The following CPA5 variants were observed in gnomAD, a reference collection of about 807,000 sequenced individuals.
The protein encoded by CPA5 is carboxypeptidase A5.
A neutral mutation model predicts 52.2 loss-of-function variants in CPA5; 38 were observed. The observed-to-expected ratio is 0.73, with a 90% CI of 0.56 to 0.95. The LOEUF (loss-of-function observed/expected upper bound fraction) is 0.95. CPA5 is among the 40% of genes least tolerant of loss of function. The probability of loss-of-function intolerance (pLI) is 0.00; values close to 1 mark genes in which losing one functional copy is unlikely to be tolerated. For synonymous variants in CPA5, 198 were observed against 213.7 expected, an observed-to-expected ratio of 0.93 and a Z score of 0.64; for missense variants, 519 against 566.7, an observed-to-expected ratio of 0.92 and a Z score of 0.86.
intron 10 of CPA5, among the ~76,000 whole-genome samples, chr7:130,364,618 T>A (rs938753995): frequency 6.6e-6 from 1 of 150,554 alleles, no homozygotes; most frequent in Non-Finnish European, 1.5e-5. Context: ...ATTACAGGCA[T>A]AAGCCACCAC....
At chr7:130,365,030 C>G (rs1450231789) in intron 10 of CPA5, among the ~76,000 whole-genome samples, 1 of 152,234 alleles carries the variant, frequency 6.6e-6, no homozygotes, top group Non-Finnish European at 1.5e-5. Flanking sequence ...TGTTGATAAT[C>G]AGACCTATAG....
At chr7:130,365,309 C>T (rs910332290) in intron 10 of CPA5, among the ~76,000 whole-genome samples, 3 of 152,154 alleles carry the variant, frequency 2.0e-5, no homozygotes, top group African/African-American at 7.2e-5. Flanking sequence ...GAGTGAGTAC[C>T]CATGGATCCC....
intron 5 of CPA5, among the ~76,000 whole-genome samples, chr7:130,354,727 TTTG>T (rs1456393504): frequency 8.5e-5 from 13 of 152,162 alleles, no homozygotes; most frequent in Admixed American, 7.9e-4. Context: ...TTTGTTTGTT[TTTG>T]TTTTTTAAGA....
At chr7:130,363,041 G>C (rs1795882773) in intron 9 of CPA5, 47 bp downstream of exon 9, 1 of 1,191,760 alleles carries the variant, frequency 8.4e-7, no homozygotes, top group East Asian at 2.3e-5. Context: ...GCTCTAGGGG[G>C]ATGGAGAAAA....
Position 130,346,537 on chromosome 7 carries a change from A to C in CPA5, c.52A>C (p.Arg18=). ...GTRPGPSPVD[R]RTLLVFSFIL... ...GCGCCCTGGGCCATCCCCCGTGGACAGGCGGACACTCCTGGTCTTCAGCTT... is the reference window on the plus strand; with the variant it reads ...GCGCCCTGGGCCATCCCCCGTGGACCGGCGGACACTCCTGGTCTTCAGCTT... The change falls in exon 3 of 13, where the codon AGG becomes CGG. Residue 18 remains arginine, a synonymous_variant. Coordinates refer to ENST00000474905, the MANE Select transcript of CPA5 (RefSeq NM_080385.5). 6.2e-7 allele frequency: 1 copy of C among 1,614,040 alleles called. No individual in the cohort carries two copies. The highest frequency in any genetic ancestry group is 8.5e-7 in the Non-Finnish European group (1 of 1,179,968).
chr7:130,373,016 T>C (rs2117487644), downstream of CPA5, among the ~76,000 whole-genome samples: 1 of 152,286 alleles, frequency 6.6e-6, no homozygotes, highest in South Asian at 2.1e-4. Flanking sequence ...GGGAGAAGAC[T>C]AAGGCCAGGG....
chr7:130,347,193 C>T (rs1794812726), intron 3 of CPA5, among the ~76,000 whole-genome samples: 1 of 152,162 alleles, frequency 6.6e-6, no homozygotes, highest in Non-Finnish European at 1.5e-5. Flanking sequence ...TCCCAGGTGT[C>T]GCACCCCAGA....
rs148623730 is a variant in CPA5 at position 130,363,585 on chromosome 7, A to G, written c.838+76A>G. The G allele has an allele frequency of 1.2e-3, 1,454 of 1,237,738 alleles. 15 individuals carry two copies. In the African/African-American group the frequency reaches 0.02, roughly 17 times the overall value. 76.7% of individuals were successfully genotyped at this position (1,237,738 alleles called of 1,614,324 possible). A position where few individuals can be genotyped will look rare whatever the true frequency, so the allele number is the denominator to read the frequency against. On this transcript the variant is annotated intron_variant, in intron 10 of 12. Coordinates refer to ENST00000474905, the MANE Select transcript of CPA5 (RefSeq NM_080385.5). ...ATGGCAGGTTCTCCCACTCAGTCAG[A>G]TTATGTTGACTCAACTTGGGAGGCA...
At chr7:130,357,952 C>CTGTGTGTGTGTGTGTGTGTG (rs60840017) in intron 5 of CPA5, among the ~76,000 whole-genome samples, 1 of 139,930 alleles carries the variant, frequency 7.1e-6, no homozygotes, top group African/African-American at 2.7e-5. Context: ...TTTTGTGCCT[C>CTGTGTGTGTGTGTGTGTGTG]TGTGTGTGTG....
At chr7:130,346,753 C>T (rs1794770764) in intron 3 of CPA5, 152 bp downstream of exon 3, 1 of 622,698 alleles carries the variant, frequency 1.6e-6, no homozygotes, top group African/African-American at 1.8e-5. Context: ...TCCACAGCCT[C>T]CCACTTTCAT....
intron 11 of CPA5, 68 bp downstream of exon 11, chr7:130,367,639 T>G: frequency 7.0e-7 from 1 of 1,427,294 alleles, no homozygotes. Context: ...TCTGTCATAC[T>G]CCCAGAGGGC....
rs781999001 is a variant in CPA5 at position 130,367,393 on chromosome 7, C to T, written c.860C>T (p.Pro287Leu). The T allele has an allele frequency of 1.9e-6, 3 of 1,614,104 alleles. No individual in the cohort carries two copies. Among genetic ancestry groups the T allele is most frequent in the Non-Finnish European group, 2.5e-6 (3 of 1,180,034 alleles). ...CCAGGAAATGGTTCTAACAGCAACCCCTGCTCAGAAACTTATCACGGGCCC... is the reference window on the plus strand; with the variant it reads ...CCAGGAAATGGTTCTAACAGCAACCTCTGCTCAGAAACTTATCACGGGCCC... The part of the protein sequence containing the change: ...GFGGNGSNSN[P>L]CSETYHGPSP... Residue 287 changes from proline (P) to leucine (L), a missense_variant, in exon 11 of 13, where the codon CCC becomes CTC. Coordinates refer to ENST00000474905, the MANE Select transcript of CPA5 (RefSeq NM_080385.5).
chr7:130,368,790 A>G (rs1028108940), downstream of CPA5: 13 of 593,158 alleles, frequency 2.2e-5, no homozygotes, highest in Non-Finnish European at 3.8e-5. Context: ...AGGGGACGAG[A>G]GGCTGCTTCT....
chr7:130,357,952 C>CTGTGTG (rs60840017), intron 5 of CPA5, among the ~76,000 whole-genome samples: 27,863 of 139,608 alleles, frequency 0.2, 3,164 homozygotes, highest in East Asian at 0.45. Flanking sequence ...TTTTGTGCCT[C>CTGTGTG]TGTGTGTGTG....
chr7:130,345,682 T>C (rs1293100111), intron 1 of CPA5, 157 bp from the exon 2 acceptor site: 3 of 152,266 alleles, frequency 2.0e-5, no homozygotes, highest in African/African-American at 4.8e-5. Flanking sequence ...GGAATCTTGA[T>C]TGAATTCCTT....
At chr7:130,359,927 T>C (rs1795700020) in intron 6 of CPA5, among the ~76,000 whole-genome samples, 1 of 152,138 alleles carries the variant, frequency 6.6e-6, no homozygotes, top group African/African-American at 2.4e-5. Context: ...CCTAGACAGG[T>C]ACAGAGCAGA....
intron 4 of CPA5, 25 bp from the exon 5 acceptor site, chr7:130,349,948 GCT>G (rs782233449): frequency 2.2e-5 from 36 of 1,605,062 alleles, no homozygotes; most frequent in Non-Finnish European, 3.0e-5. Context: ...GAGTAATGCA[GCT>G]CTCTCTCTTT....
intron 5 of CPA5, 152 bp downstream of exon 5, chr7:130,350,261 C>G: frequency 1.2e-6 from 1 of 812,886 alleles, no homozygotes; most frequent in Non-Finnish European, 1.9e-6. Context: ...GGAAGTGAGC[C>G]GCACGCTTCT....
chr7:130,345,909 G>A lies in CPA5; in HGVS notation c.-94+13G>A, dbSNP rs1794702214. On this transcript the variant is annotated intron_variant, in intron 2 of 12. Transcript: ENST00000474905. ...CAAACCCTGTGAGGTAGGGAGGGGA[G>A]GTATGATTAACCCCATTTGATGGAT... 2 of 152,248 alleles carry A rather than the reference G, an allele frequency of 1.3e-5. No individual in the cohort carries two copies. The highest frequency in any genetic ancestry group is 2.9e-5 in the Non-Finnish European group (2 of 68,046). The allele number at this position is 152,248 out of a possible 1,614,324, so 9.4% of individuals were successfully genotyped here. A position where few individuals can be genotyped will look rare whatever the true frequency, so the allele number is the denominator to read the frequency against.
Sources: allele counts gnomAD v4.1 joint callset (sites outside exome capture counted in the v4.1 genomes callset), GRCh38; gene constraint gnomAD v4.1.1; transcripts MANE v1.5; gene names NCBI Gene and HGNC (gene_info 2026-07-23, HGNC 2026-07-21).